Variants in DCLRE1A observed in about 807,000 individuals in gnomAD.
The protein encoded by DCLRE1A is DNA cross-link repair 1A, also known as DNA cross-link repair 1A protein.
A neutral mutation model predicts 91.9 loss-of-function variants in DCLRE1A; 64 were observed. That is an observed-to-expected ratio of 0.70 (90% CI 0.57 to 0.86). The LOEUF (loss-of-function observed/expected upper bound fraction) is 0.86. Among genes scored for constraint, DCLRE1A ranks in the 40% least tolerant of loss-of-function variants. The probability of loss-of-function intolerance (pLI) is 0.00; values close to 1 mark genes in which losing one functional copy is unlikely to be tolerated. For synonymous variants in DCLRE1A, 416 were observed against 431.1 expected (o/e 0.96, Z 0.43); for missense variants, 1,145 against 1,213.3 (o/e 0.94, Z 0.84).
Position 113,851,640 on chromosome 10 carries a change from G to A in DCLRE1A, c.461-996C>T, listed in dbSNP as rs370967616. On this transcript the variant is annotated intron_variant, in intron 1 of 8. Transcript: ENST00000361384. ...TTTTGTTAGAATCTTAATCACCTAG[G>A]ACTCCTTCACAGTTCCTCTTCCTGT... Among the ~76,000 whole-genome samples the A allele has an allele frequency of 2.4e-3, 358 of 151,622 alleles. 1 individual carries two copies. The highest frequency in any genetic ancestry group is 7.9e-3 in the African/African-American group (326 of 41,298).
At chr10:113,837,250 T>A in intron 7 of DCLRE1A, 47 bp from the exon 8 acceptor site, 1 of 1,568,928 alleles carries the variant, frequency 6.4e-7, no homozygotes, top group South Asian at 1.2e-5. Flanking sequence ...ACGAGTTATA[T>A]GGAATAAAAC....
rs1389961214 is a variant in DCLRE1A at position 113,848,990 on chromosome 10, C to T, written c.2115G>A (p.Lys705=). The T allele has an allele frequency of 6.2e-7, 1 of 1,610,450 alleles. No individual in the cohort carries two copies. The highest frequency in any genetic ancestry group is 2.2e-5 in the East Asian group (1 of 44,844). The change falls in exon 2 of 9, where the codon AAG becomes AAA. Residue 705 remains lysine, a synonymous_variant. Transcript: ENST00000361384. ...GACATTTCAACTTACCAGGTATTTT[C>T]TTATAGAATGGACATGTCTTTTTTC... ...GSRKKTCPFY[K]KIPGTGFTVD...
chr10:113,853,235 C>A lies in DCLRE1A; in HGVS notation c.-53G>T. 7.1e-7 allele frequency: 1 copy of A among 1,416,598 alleles called. No homozygotes were observed. Among genetic ancestry groups the A allele is most frequent in the South Asian group, 1.5e-5 (1 of 67,838 alleles). 87.8% of individuals were successfully genotyped at this position (1,416,598 alleles called of 1,614,324 possible). On this transcript the variant is annotated 5_prime_UTR_variant, in exon 1 of 9. Transcript: ENST00000361384. Reference sequence around the variant, plus strand: ...TATTAATCTTAAGTAAACTGAAAGTCCATTTCTTGTCACAAACAAAAAGTT... The same window carrying A: ...TATTAATCTTAAGTAAACTGAAAGTACATTTCTTGTCACAAACAAAAAGTT...
rs1470925022 is a variant in DCLRE1A at position 113,849,906 on chromosome 10, A to C, written c.1199T>G (p.Leu400Arg). 1 of 1,613,956 alleles carries C rather than the reference A, an allele frequency of 6.2e-7. No homozygotes were observed. Among genetic ancestry groups the C allele is most frequent in the Non-Finnish European group, 8.5e-7 (1 of 1,179,990 alleles). The change falls in exon 2 of 9, where the codon CTG (leucine) becomes CGG (arginine). Residue 400 changes from leucine (L) to arginine (R), a missense_variant. Leu to Arg is a moderately radical substitution (Grantham distance 102, BLOSUM62 -2). Coordinates refer to ENST00000361384, the MANE Select transcript of DCLRE1A (RefSeq NM_014881.5). ...CACAAAATCACCACCAGTACATGCC[A>C]GATCATAAGGCAAAGTACTCTCATT... ...QNNESTLPYD[L>R]ACTGGDFVLF...
rs958607239 is a variant in DCLRE1A at position 113,845,941 on chromosome 10, G to C, written c.2260-138C>G. On this transcript the variant is annotated intron_variant, in intron 3 of 8. Coordinates refer to ENST00000361384, the MANE Select transcript of DCLRE1A (RefSeq NM_014881.5). ...AGTAAACACTCCACAATGCCAGGAA[G>C]AATTTCCTATAATGGCTGTGCCACT... The C allele has an allele frequency of 2.0e-5, 16 of 780,924 alleles. No homozygotes were observed. The African/African-American group carries it at 2.8e-4, about 14-fold the overall frequency. 48.4% of individuals were successfully genotyped at this position (780,924 alleles called of 1,614,324 possible).
chr10:113,846,214 C>T (rs946661544), intron 3 of DCLRE1A, among the ~76,000 whole-genome samples: 1 of 152,146 alleles, frequency 6.6e-6, no homozygotes, highest in Non-Finnish European at 1.5e-5. Flanking sequence ...TCTGCCTGGT[C>T]CTGGAATCAG....
rs1352781554 is a variant in DCLRE1A at position 113,850,118 on chromosome 10, T to C, written c.987A>G (p.Ser329=). The change falls in exon 2 of 9, where the codon TCA becomes TCG. Residue 329 remains serine, a synonymous_variant. Coordinates refer to ENST00000361384, the MANE Select transcript of DCLRE1A (RefSeq NM_014881.5). ...SQEQLFFTES[S]KDGSLEEDDD... is the part of the protein sequence containing the mutation. ...CATCTTCTTCGAGGCTGCCATCTTT[T>C]GAGCTTTCGGTAAAAAACAGTTGTT... 6.2e-7 allele frequency: 1 copy of C among 1,614,124 alleles called. No homozygotes were observed. Among genetic ancestry groups the C allele is most frequent in the East Asian group, 2.2e-5 (1 of 44,882 alleles).
chr10:113,850,788 AT>A, intron 1 of DCLRE1A, 144 bp from the exon 2 acceptor site: 1 of 618,892 alleles, frequency 1.6e-6, no homozygotes, highest in Non-Finnish European at 2.6e-6. Context: ...ATTAGTTATA[AT>A]TGTTGATACA....
At chr10:113,842,650 C>T (rs1845464763) in intron 5 of DCLRE1A, among the ~76,000 whole-genome samples, 162 bp from the exon 6 acceptor site, 1 of 152,142 alleles carries the variant, frequency 6.6e-6, no homozygotes, top group Non-Finnish European at 1.5e-5. Context: ...GAATTATTTG[C>T]CAGTTACTAC....
rs764742443 is a variant in DCLRE1A, at chr10:113,844,294, G to A, written c.2379-50C>T. ...TTCATAACACAGGCAAGCACCTAAA[G>A]GAACAGTATCTATTTCAATATCAAC... On this transcript the variant is annotated intron_variant, in intron 4 of 8. Transcript: ENST00000361384. The A allele has an allele frequency of 9.4e-6, 15 of 1,603,644 alleles. 1 individual carries two copies. In the South Asian group the frequency reaches 1.7e-4, roughly 18 times the overall value.
chr10:113,842,808 CTGTCT>C (rs1430756385), intron 5 of DCLRE1A, among the ~76,000 whole-genome samples: 3 of 152,072 alleles, frequency 2.0e-5, no homozygotes, highest in African/African-American at 7.2e-5. Flanking sequence ...ATAAACCTCA[CTGTCT>C]TTTATTTAAC....
intron 7 of DCLRE1A, among the ~76,000 whole-genome samples, chr10:113,839,688 A>C (rs910193509): frequency 3.9e-5 from 6 of 152,146 alleles, no homozygotes; most frequent in African/African-American, 1.4e-4. Context: ...ACTTTCTGCG[A>C]GCTTACAGCC....
intron 7 of DCLRE1A, 65 bp from the exon 8 acceptor site, chr10:113,837,268 T>G: frequency 6.9e-7 from 1 of 1,459,516 alleles, no homozygotes; most frequent in Non-Finnish European, 9.2e-7. Flanking sequence ...AACAGACTGA[T>G]TAAAGATGTT....
chr10:113,846,853 G>A (rs76695809), intron 3 of DCLRE1A, among the ~76,000 whole-genome samples: 21 of 151,994 alleles, frequency 1.4e-4, no homozygotes, highest in African/African-American at 3.6e-4. Context: ...TTTCGGTTGC[G>A]GTTGGTTGAA....
At chr10:113,845,224 A>G (rs557867550) in intron 4 of DCLRE1A, among the ~76,000 whole-genome samples, 6 of 151,614 alleles carry the variant, frequency 4.0e-5, no homozygotes, top group Admixed American at 2.6e-4. Context: ...CATTTCCAAG[A>G]AAAAAAAGTC....
intron 2 of DCLRE1A, among the ~76,000 whole-genome samples, chr10:113,848,057 T>C (rs1431714751): frequency 2.6e-5 from 4 of 152,156 alleles, no homozygotes; most frequent in African/African-American, 4.8e-5. Flanking sequence ...CTCACGCCCG[T>C]AATCCCAGCA....
At chr10:113,839,507 T>C (rs1410349378) in intron 7 of DCLRE1A, among the ~76,000 whole-genome samples, 1 of 152,092 alleles carries the variant, frequency 6.6e-6, no homozygotes, top group Non-Finnish European at 1.5e-5. Context: ...GCTAGAATGT[T>C]TAATAAACAA....
At chr10:113,844,488 T>G (rs889708956) in intron 4 of DCLRE1A, among the ~76,000 whole-genome samples, 1 of 152,244 alleles carries the variant, frequency 6.6e-6, no homozygotes, top group Non-Finnish European at 1.5e-5. Flanking sequence ...TCTTCAGGAC[T>G]GGCCCTTGGC....
At chr10:113,852,663 T>A in intron 1 of DCLRE1A, 60 bp downstream of exon 1, 2 of 1,481,080 alleles carry the variant, frequency 1.4e-6, no homozygotes, top group Non-Finnish European at 9.1e-7. Context: ...AATTGGTATG[T>A]CTGACCTAAT....
Sources: gnomAD v4.1 joint callset for allele counts (sites outside exome capture counted in the v4.1 genomes callset) on GRCh38, gnomAD v4.1.1 for gene constraint, MANE v1.5 for transcripts, NCBI Gene and HGNC (gene_info 2026-07-23, HGNC 2026-07-21) for gene names.